Variants in GNAI1 observed in about 807,000 individuals in gnomAD.
The protein encoded by GNAI1 is G protein subunit alpha i1.
A neutral mutation model predicts 38.9 loss-of-function variants in GNAI1; 11 were observed. That is an observed-to-expected ratio of 0.28 (90% CI 0.18 to 0.47). The LOEUF (loss-of-function observed/expected upper bound fraction) is 0.47. Among genes scored for constraint, GNAI1 ranks in the 20% least tolerant of loss-of-function variants. The pLI is 0.99. For synonymous variants in GNAI1, 166 were observed against 145.1 expected, an observed-to-expected ratio of 1.14 and a Z score of -1.04; for missense variants, 317 against 436.9, an observed-to-expected ratio of 0.73 and a Z score of 2.45.
chr7:80,157,149 T>C (rs1787832792), intron 1 of GNAI1, among the ~76,000 whole-genome samples: 1 of 152,214 alleles, frequency 6.6e-6, no homozygotes, highest in Admixed American at 6.5e-5. Context: ...CAACCACTGA[T>C]CTTTTTTACT....
rs1297004980 is a variant in GNAI1 at position 80,221,731 on chromosome 7, C to T, written c.*4238C>T. Among the ~76,000 whole-genome samples, 1 of 136,094 alleles carries T rather than the reference C, an allele frequency of 7.3e-6. No homozygotes were observed. Among genetic ancestry groups the T allele is most frequent in the Non-Finnish European group, 1.5e-5 (1 of 64,874 alleles). The allele number at this position is 136,094 out of a possible 152,430, so 89.3% of individuals were successfully genotyped here. On this transcript the variant is annotated 3_prime_UTR_variant, in exon 8 of 8. Coordinates refer to ENST00000649796, the MANE Select transcript of GNAI1 (RefSeq NM_002069.6). The stretch of plus-strand genomic sequence containing the variant: ...AATCTCCACTCTCTGCAACCTCCAA[C>T]TCCATGGTTCAAGCAATTGTCCTGC...
intron 6 of GNAI1, among the ~76,000 whole-genome samples, chr7:80,211,760 A>G (rs749488159): frequency 6.6e-6 from 1 of 152,204 alleles, no homozygotes; most frequent in South Asian, 2.1e-4. Context: ...GCTGCCCTGT[A>G]ATTTTCAGAT....
intron 1 of GNAI1, among the ~76,000 whole-genome samples, chr7:80,185,366 T>A (rs1443356058): frequency 6.6e-6 from 1 of 152,178 alleles, no homozygotes; most frequent in Non-Finnish European, 1.5e-5. Flanking sequence ...GGTGTTAGAA[T>A]CATGAGGCTT....
Position 80,135,021 on chromosome 7 carries a change from C to T in GNAI1, c.-140C>T, listed in dbSNP as rs1231664969. The T allele has an allele frequency of 2.2e-6, 1 of 457,392 alleles. No individual in the cohort carries two copies. The highest frequency in any genetic ancestry group is 3.8e-6 in the Non-Finnish European group (1 of 263,776). The allele number at this position is 457,392 out of a possible 1,614,324, so 28.3% of individuals were successfully genotyped here. ...TTGCGGACAGCGTCTCCCTCGACTC[C>T]GCTTAGGAAGTGGTGGGGGCGGCGT... On this transcript the variant is annotated 5_prime_UTR_variant, in exon 1 of 8. Coordinates refer to ENST00000649796, the MANE Select transcript of GNAI1 (RefSeq NM_002069.6).
At chr7:80,190,403 T>TGGTAATGTGTTACTGATGGTGTTACTGAA (rs1788461610) in intron 3 of GNAI1, among the ~76,000 whole-genome samples, 1 of 152,098 alleles carries the variant, frequency 6.6e-6, no homozygotes, top group Non-Finnish European at 1.5e-5. Flanking sequence ...TTATCATTTA[T>TGGTAATGTGTTACTGATGGTGTTACTGAA]TCAGCAAACT....
intron 1 of GNAI1, among the ~76,000 whole-genome samples, chr7:80,153,848 C>T (rs1364628992): frequency 6.6e-6 from 1 of 152,140 alleles, no homozygotes; most frequent in South Asian, 2.1e-4. Flanking sequence ...AGAAATATTT[C>T]AGGCAGGCAA....
chr7:80,193,182 C>A (rs1336228469), intron 3 of GNAI1, among the ~76,000 whole-genome samples: 1 of 152,086 alleles, frequency 6.6e-6, no homozygotes, highest in East Asian at 1.9e-4. Context: ...TTTTCTCTGC[C>A]AGATGAACTT....
intron 1 of GNAI1, among the ~76,000 whole-genome samples, chr7:80,164,039 C>CTTTT (rs35826632): frequency 3.2e-5 from 2 of 62,936 alleles, no homozygotes; most frequent in African/African-American, 6.4e-5. Context: ...CTGGTGCTTT[C>CTTTT]TTTTTTTTTT....
At chr7:80,210,557 G>C (rs190509245) in intron 5 of GNAI1, among the ~76,000 whole-genome samples, 3 of 152,018 alleles carry the variant, frequency 2.0e-5, no homozygotes, top group Admixed American at 6.6e-5. Flanking sequence ...TCAATGTTCC[G>C]TGACTGTGGC....
At chr7:80,205,751 T>TA (rs1339211803) in intron 5 of GNAI1, among the ~76,000 whole-genome samples, 26 of 152,152 alleles carry the variant, frequency 1.7e-4, no homozygotes, top group Admixed American at 7.2e-4. Context: ...AATTTACTGT[T>TA]ATATTATTCT....
rs183305362 is a variant in GNAI1, at chr7:80,186,681, C to A, written c.119-2270C>A. Among the ~76,000 whole-genome samples the A allele has an allele frequency of 1.5e-3, 222 of 152,274 alleles. 5 individuals are homozygous for A. In the South Asian group the frequency reaches 0.02, roughly 14 times the overall value. ...AAAATGGACCATAGTGGCTATTCAT[C>A]AAAGTTCACTATATCTGTGGTATCA... On this transcript the variant is annotated intron_variant, in intron 1 of 7. Coordinates refer to ENST00000649796, the MANE Select transcript of GNAI1 (RefSeq NM_002069.6).
At chr7:80,197,272 T>C (rs1788595149) in intron 3 of GNAI1, among the ~76,000 whole-genome samples, 1 of 151,694 alleles carries the variant, frequency 6.6e-6, no homozygotes, top group Non-Finnish European at 1.5e-5. Context: ...CTCACTTATA[T>C]GTAGAATTAT....
At chr7:80,197,603 A>G (rs1015702495) in intron 3 of GNAI1, among the ~76,000 whole-genome samples, 2 of 152,088 alleles carry the variant, frequency 1.3e-5, no homozygotes, top group African/African-American at 4.8e-5. Flanking sequence ...TAATTTGGAT[A>G]ATTGAATAAT....
intron 1 of GNAI1, among the ~76,000 whole-genome samples, chr7:80,142,584 G>A (rs896689916): frequency 6.6e-6 from 1 of 152,196 alleles, no homozygotes; most frequent in African/African-American, 2.4e-5. Context: ...ATCATCTGAT[G>A]GGATGGCACA....
At position 80,193,201 on chromosome 7, in the gene GNAI1, G is replaced by A. The variant is rs552692220; in HGVS notation, c.303+3970G>A. 2.0e-4 allele frequency among the ~76,000 whole-genome samples: 31 copies of A among 152,222 alleles called. No individual in the cohort carries two copies. The South Asian group carries it at 4.6e-3, about 22-fold the overall frequency. ...CTCTGCCAGATGAACTTGAGAGCCA[G>A]CTTAATTCCCCCACAACCCTGTTGA... On this transcript the variant is annotated intron_variant, in intron 3 of 7. Coordinates refer to ENST00000649796, the MANE Select transcript of GNAI1 (RefSeq NM_002069.6).
intron 3 of GNAI1, among the ~76,000 whole-genome samples, chr7:80,191,173 C>T (rs948988303): frequency 6.6e-6 from 1 of 151,960 alleles, no homozygotes; most frequent in African/African-American, 2.4e-5. Context: ...CATTGCTTCT[C>T]GTTGGTCTAC....
intron 5 of GNAI1, among the ~76,000 whole-genome samples, chr7:80,209,320 G>A (rs115346860): frequency 2.7e-3 from 405 of 152,280 alleles, no homozygotes; most frequent in African/African-American, 9.0e-3. Context: ...TAACAAGTCC[G>A]AAGTTTGTAG....
At chr7:80,143,795 CTAT>C (rs1787568182) in intron 1 of GNAI1, among the ~76,000 whole-genome samples, 1 of 152,024 alleles carries the variant, frequency 6.6e-6, no homozygotes, top group Non-Finnish European at 1.5e-5. Flanking sequence ...TAATTATAGG[CTAT>C]TATTATAAAT....
chr7:80,176,219 A>G (rs1788179594), intron 1 of GNAI1, among the ~76,000 whole-genome samples: 1 of 152,226 alleles, frequency 6.6e-6, no homozygotes, highest in Non-Finnish European at 1.5e-5. Context: ...TAGCCACAAC[A>G]TTCCCTTAAG....
Sources: allele counts gnomAD v4.1 joint callset (sites outside exome capture counted in the v4.1 genomes callset), GRCh38; gene constraint gnomAD v4.1.1; transcripts MANE v1.5; gene names NCBI Gene and HGNC (gene_info 2026-07-23, HGNC 2026-07-21).